The following SERPINA6 variants were observed in gnomAD, a reference collection of about 807,000 sequenced individuals.
SERPINA6 encodes the protein serpin family A member 6.
A neutral mutation model predicts 26.4 loss-of-function variants in SERPINA6; 19 were observed. That is an observed-to-expected ratio of 0.72 (90% CI 0.50 to 1.06). SERPINA6 has a LOEUF of 1.06. Among genes scored for constraint, SERPINA6 ranks in the 50% least tolerant of loss-of-function variants. The pLI is 0.00. For synonymous variants in SERPINA6, 196 were observed against 199.4 expected, an observed-to-expected ratio of 0.98 and a Z score of 0.14; for missense variants, 473 against 504.0, an observed-to-expected ratio of 0.94 and a Z score of 0.59.
chr14:94,309,196 A>G (rs1895487370), intron 3 of SERPINA6, among the ~76,000 whole-genome samples: 1 of 152,136 alleles, frequency 6.6e-6, no homozygotes, highest in African/African-American at 2.4e-5. Context: ...CTCGCTTATT[A>G]CCTACTTTAG....
At chr14:94,317,396 A>G (rs1266187532) in intron 1 of SERPINA6, among the ~76,000 whole-genome samples, 1 of 152,220 alleles carries the variant, frequency 6.6e-6, no homozygotes, top group Non-Finnish European at 1.5e-5. Flanking sequence ...GAGAACATTC[A>G]GTTGGCCTGC....
intron 3 of SERPINA6, among the ~76,000 whole-genome samples, chr14:94,309,370 C>A (rs71431631): frequency 1.3e-5 from 2 of 151,890 alleles, no homozygotes; most frequent in African/African-American, 2.4e-5. Flanking sequence ...TTTAGCAGGG[C>A]GTGGTTTCAG....
At chr14:94,321,150 C>T (rs1334679946) in intron 1 of SERPINA6, among the ~76,000 whole-genome samples, 3 of 152,158 alleles carry the variant, frequency 2.0e-5, no homozygotes, top group Non-Finnish European at 4.4e-5. Context: ...TTTGTCTATT[C>T]TCCAGTGCCT....
In SERPINA6 at chr14:94,314,360, G is replaced by T. The variant is rs1246633584; in HGVS notation, c.289C>A (p.Leu97Ile). The T allele has an allele frequency of 3.1e-6, 5 of 1,614,166 alleles. No homozygotes were observed. Among genetic ancestry groups the T allele is most frequent in the Non-Finnish European group, 4.2e-6 (5 of 1,180,018 alleles). The change falls in exon 2 of 5, where the codon CTC (leucine) becomes ATC (isoleucine). Residue 97 changes from leucine (L) to isoleucine (I), a missense_variant. Leu to Ile is a conservative substitution (Grantham distance 5, BLOSUM62 2). Coordinates refer to ENST00000341584, the MANE Select transcript of SERPINA6 (RefSeq NM_001756.4). ...ATCTCAGTCTCAGACCTCTCAGTGA[G>T]GTTGAAACCCAGGCCCTGGAGAAGC... ...AQLLQGLGFN[L>I]TERSETEIHQ...
intron 2 of SERPINA6, among the ~76,000 whole-genome samples, chr14:94,311,035 G>C (rs927615619): frequency 6.6e-6 from 1 of 152,166 alleles, no homozygotes; most frequent in East Asian, 1.9e-4. Flanking sequence ...CAAAATTCTT[G>C]GTTCTAAGCC....
At chr14:94,314,962 T>C (rs941311562) in intron 1 of SERPINA6, 2 of 445,536 alleles carry the variant, frequency 4.5e-6, no homozygotes, top group African/African-American at 3.9e-5. Flanking sequence ...CAAGTATTAT[T>C]AACATGATTT....
intron 3 of SERPINA6, among the ~76,000 whole-genome samples, chr14:94,308,103 C>T (rs539699873): frequency 1.4e-4 from 22 of 152,338 alleles, no homozygotes; most frequent in Admixed American, 9.2e-4. Context: ...GACTTCATGT[C>T]GGGTCTGGAG....
chr14:94,309,124 G>A (rs1415284102), intron 3 of SERPINA6, among the ~76,000 whole-genome samples: 1 of 152,184 alleles, frequency 6.6e-6, no homozygotes, highest in African/African-American at 2.4e-5. Context: ...GAATCCATTG[G>A]CCGCTTCTCC....
At position 94,314,099 on chromosome 14, in the gene SERPINA6, C is replaced by A. The variant is rs182173676; in HGVS notation, c.550G>T (p.Asp184Tyr). Residue 184 changes from aspartate (D) to tyrosine (Y), a missense_variant, in exon 2 of 5, where the codon GAC (aspartate) becomes TAC (tyrosine). Asp to Tyr is a radical substitution (Grantham distance 160). Coordinates refer to ENST00000341584, the MANE Select transcript of SERPINA6 (RefSeq NM_001756.4). The part of the protein sequence containing the change: ...VKNKTQGKIV[D>Y]LFSGLDSPAI... ...GGGCTATCCAGCCCTGAAAACAAGT[C>A]GACAATTTTCCCCTGTGTCTTATTC... is the stretch of plus-strand genomic sequence containing the variant. The A allele has an allele frequency of 6.2e-7, 1 of 1,614,132 alleles. No homozygotes were observed. Among genetic ancestry groups the A allele is most frequent in the African/African-American group, 1.3e-5 (1 of 75,032 alleles).
chr14:94,312,199 G>A (rs1243277453), intron 2 of SERPINA6, among the ~76,000 whole-genome samples: 2 of 152,188 alleles, frequency 1.3e-5, no homozygotes, highest in African/African-American at 2.4e-5. Flanking sequence ...GGTGTTCCAA[G>A]TTTCTCTGAT....
chr14:94,315,529 A>G (rs1895602794), intron 1 of SERPINA6, among the ~76,000 whole-genome samples: 1 of 152,210 alleles, frequency 6.6e-6, no homozygotes, highest in East Asian at 1.9e-4. Flanking sequence ...ATTATAAACA[A>G]AGACTAAAAA....
rs149485397 is a variant in SERPINA6, at chr14:94,314,514, G to A, written c.135C>T (p.Asp45=). The A allele has an allele frequency of 3.1e-6, 5 of 1,614,136 alleles. No individual in the cohort carries two copies. Among genetic ancestry groups the A allele is most frequent in the Non-Finnish European group, 4.2e-6 (5 of 1,180,054 alleles). ...GGTGCTTATACAGGCTGAAGGCAAA[G>A]TCAACGTTGGCTGAAGCCAGGCCCC... is the stretch of plus-strand genomic sequence containing the variant. The part of the protein sequence containing the change: ...HHRGLASANV[D]FAFSLYKHLV... The change falls in exon 2 of 5, where the codon GAC becomes GAT. Residue 45 remains aspartate, a synonymous_variant. Coordinates refer to ENST00000341584, the MANE Select transcript of SERPINA6 (RefSeq NM_001756.4).
At chr14:94,322,306 C>T (rs892526975) in intron 1 of SERPINA6, among the ~76,000 whole-genome samples, 8 of 152,110 alleles carry the variant, frequency 5.3e-5, no homozygotes, top group Admixed American at 4.6e-4. Context: ...GTCAGGAGTT[C>T]GAGACTAGCC....
intron 3 of SERPINA6, among the ~76,000 whole-genome samples, chr14:94,308,817 G>A (rs1038802459): frequency 6.6e-5 from 10 of 152,040 alleles, no homozygotes; most frequent in Admixed American, 5.2e-4. Flanking sequence ...CCATCCATCC[G>A]CTCACTCATG....
At chr14:94,310,505 A>G (rs542760794) in intron 2 of SERPINA6, among the ~76,000 whole-genome samples, 10 of 152,296 alleles carry the variant, frequency 6.6e-5, no homozygotes, top group African/African-American at 2.4e-4. Flanking sequence ...ATGAAGAGTC[A>G]GGGTGAGAAG....
Position 94,314,391 on chromosome 14 carries a change from C to G in SERPINA6, c.258G>C (p.Arg86=). 6.2e-7 allele frequency: 1 copy of G among 1,614,138 alleles called. No individual in the cohort carries two copies. The change falls in exon 2 of 5, where the codon CGG becomes CGC. Residue 86 remains arginine, a synonymous_variant. Transcript: ENST00000341584. ...MLSLGTCGHT[R]AQLLQGLGFN... is the part of the protein sequence containing the mutation. ...AACCCAGGCCCTGGAGAAGCTGGGC[C>G]CGTGTGTGGCCACAGGTGCCCAGGG... is the stretch of plus-strand genomic sequence containing the variant.
chr14:94,307,887 C>A (rs1895465472), intron 3 of SERPINA6, among the ~76,000 whole-genome samples: 1 of 152,198 alleles, frequency 6.6e-6, no homozygotes, highest in Non-Finnish European at 1.5e-5. Context: ...TCTAGAAGCA[C>A]CCAGCATCAA....
chr14:94,308,658 A>G (rs11622665), intron 3 of SERPINA6, among the ~76,000 whole-genome samples: 21,762 of 152,194 alleles, frequency 0.14, 2,116 homozygotes, highest in Admixed American at 0.28. Flanking sequence ...AGTGAGGACC[A>G]TGTTCTAAGA....
chr14:94,319,264 G>A (rs1895652007), intron 1 of SERPINA6, among the ~76,000 whole-genome samples: 4 of 151,956 alleles, frequency 2.6e-5, no homozygotes, highest in Admixed American at 2.0e-4. Context: ...ACCAGCCTAG[G>A]TAACATAGCA....
Sources: gnomAD v4.1 joint callset for allele counts (sites outside exome capture counted in the v4.1 genomes callset) on GRCh38, gnomAD v4.1.1 for gene constraint, MANE v1.5 for transcripts, NCBI Gene and HGNC (gene_info 2026-07-23, HGNC 2026-07-21) for gene names.